The following CNGB1 variants were observed in gnomAD, a reference collection of about 807,000 sequenced individuals.
CNGB1 encodes cyclic nucleotide-gated channel beta-1.
A neutral mutation model predicts 151.7 loss-of-function variants in CNGB1; 126 were observed. The ratio of observed to expected loss-of-function variants is 0.83; its 90% CI spans 0.72 to 0.96. The LOEUF (loss-of-function observed/expected upper bound fraction) is 0.96, where lower values mean the gene tolerates loss of function less well. Ranked by LOEUF, CNGB1 falls within the 40% of genes least tolerant of loss-of-function variation. The pLI is 0.00. For synonymous variants in CNGB1, 623 were observed against 635.1 expected, an observed-to-expected ratio of 0.98 and a Z score of 0.29; for missense variants, 1,698 against 1,627.0, an observed-to-expected ratio of 1.04 and a Z score of -0.75.
At chr16:57,957,712 A>G (rs1962126623) in intron 11 of CNGB1, among the ~76,000 whole-genome samples, 1 of 152,226 alleles carries the variant, frequency 6.6e-6, no homozygotes, top group Non-Finnish European at 1.5e-5. Flanking sequence ...TCTGGGGCCT[A>G]GACAGCTTTG....
At position 57,957,321 on chromosome 16, in the gene CNGB1, C is replaced by G; in HGVS notation, c.874+20G>C. 1 of 1,609,498 alleles carries G rather than the reference C, an allele frequency of 6.2e-7. No homozygotes were observed. The highest frequency in any genetic ancestry group is 2.2e-5 in the East Asian group (1 of 44,862). On this transcript the variant is annotated intron_variant, in intron 12 of 32. Coordinates refer to ENST00000251102, the MANE Select transcript of CNGB1 (RefSeq NM_001297.5). ...ACCCTTCCTAATATGTACATGGGGA[C>G]TCAGTAATGTGTCACTTACTGGTCT...
At position 57,919,549 on chromosome 16, in the gene CNGB1, G is replaced by A. The variant is rs76592514; in HGVS notation, c.1802-295C>T. On this transcript the variant is annotated intron_variant, in intron 19 of 32. Coordinates refer to ENST00000251102, the MANE Select transcript of CNGB1 (RefSeq NM_001297.5). The stretch of plus-strand genomic sequence containing the variant: ...TGAGCTGTTTCTGGGCCAGTTGGAT[G>A]TTTCAATGTCTGCTTGTGTGTTGTG... Among the ~76,000 whole-genome samples, 1,212 of 152,274 alleles carry A rather than the reference G, an allele frequency of 8.0e-3. 21 individuals carry two copies. Among genetic ancestry groups the A allele is most frequent in the African/African-American group, 0.027 (1,108 of 41,550 alleles).
intron 15 of CNGB1, 34 bp from the exon 16 acceptor site, chr16:57,939,626 C>A: frequency 6.2e-7 from 1 of 1,613,868 alleles, no homozygotes; most frequent in Non-Finnish European, 8.5e-7. Context: ...GAAACTGTGA[C>A]CATCAGCCCC....
chr16:57,901,975 TC>T (rs1960404844), intron 27 of CNGB1, among the ~76,000 whole-genome samples: 1 of 152,194 alleles, frequency 6.6e-6, no homozygotes, highest in African/African-American at 2.4e-5. Flanking sequence ...TGTTCCCACT[TC>T]CCTGGAAGGA....
intron 27 of CNGB1, 71 bp from the exon 28 acceptor site, chr16:57,901,696 G>A: frequency 1.6e-6 from 2 of 1,272,928 alleles, no homozygotes; most frequent in Non-Finnish European, 2.3e-6. Flanking sequence ...CCGGCCAAGT[G>A]CCCACCTACT....
intron 14 of CNGB1, among the ~76,000 whole-genome samples, chr16:57,940,960 G>A (rs1010706435): frequency 4.6e-5 from 7 of 152,128 alleles, no homozygotes; most frequent in African/African-American, 1.7e-4. Flanking sequence ...AGGGAGGGCT[G>A]TGGCAAATTA....
intron 31 of CNGB1, 144 bp from the exon 32 acceptor site, chr16:57,888,218 G>C (rs1047873706): frequency 3.8e-6 from 3 of 798,002 alleles, no homozygotes; most frequent in Admixed American, 4.0e-5. Flanking sequence ...TGGGCCAAGC[G>C]TCGTGTTAAG....
rs964922459 is a variant in CNGB1 at position 57,925,293 on chromosome 16, A to G, written c.1536-1913T>C. Among the ~76,000 whole-genome samples, 5 of 152,008 alleles carry G rather than the reference A, an allele frequency of 3.3e-5. No individual in the cohort carries two copies. In the East Asian group the frequency reaches 9.7e-4, roughly 30 times the overall value. On this transcript the variant is annotated intron_variant, in intron 17 of 32. Transcript: ENST00000251102. ...GCTGGGATAACAGGCATGAGCCACC[A>G]CGCCCGGCCTCTCTCTTTTCTTTAT...
intron 31 of CNGB1, among the ~76,000 whole-genome samples, chr16:57,892,423 C>T (rs547255690): frequency 3.0e-4 from 46 of 152,266 alleles, no homozygotes; most frequent in African/African-American, 9.6e-4. Flanking sequence ...TTCAGATAGA[C>T]TGGGTTTTGG....
chr16:57,920,594 T>A, intron 18 of CNGB1, 50 bp from the exon 19 acceptor site: 1 of 1,601,878 alleles, frequency 6.2e-7, no homozygotes, highest in Non-Finnish European at 8.5e-7. Flanking sequence ...GAGGGACCTG[T>A]GCACCCCCAG....
chr16:57,906,937 T>C (rs1960567107), intron 25 of CNGB1, among the ~76,000 whole-genome samples: 1 of 152,154 alleles, frequency 6.6e-6, no homozygotes, highest in Non-Finnish European at 1.5e-5. Flanking sequence ...CTAGCATTTG[T>C]AGGAGCTCGG....
chr16:57,897,759 G>A, intron 30 of CNGB1, 37 bp downstream of exon 30: 2 of 1,602,650 alleles, frequency 1.2e-6, no homozygotes, highest in Non-Finnish European at 1.7e-6. Flanking sequence ...CCCAGCCCTT[G>A]CCCCAGGCCC....
chr16:57,909,689 A>T (rs1181928450), intron 25 of CNGB1, among the ~76,000 whole-genome samples: 1 of 152,176 alleles, frequency 6.6e-6, no homozygotes, highest in Admixed American at 6.5e-5. Flanking sequence ...GTATCTGGCT[A>T]AAAAAGTTTT....
chr16:57,954,669 C>T (rs1241292905), intron 12 of CNGB1: 39 of 982,454 alleles, frequency 4.0e-5, no homozygotes, highest in Non-Finnish European at 4.1e-5. Context: ...TCAATGCAAT[C>T]ACAGGTTTGA....
At chr16:57,900,699 C>T (rs1169748076) in intron 29 of CNGB1, among the ~76,000 whole-genome samples, 5 of 152,168 alleles carry the variant, frequency 3.3e-5, no homozygotes, top group Admixed American at 6.5e-5. Context: ...CGATGTCCCC[C>T]TTTGGGGCAA....
At chr16:57,888,226 A>G in intron 31 of CNGB1, 152 bp from the exon 32 acceptor site, 1 of 782,412 alleles carries the variant, frequency 1.3e-6, no homozygotes, top group Non-Finnish European at 2.2e-6. Flanking sequence ...GCGTCGTGTT[A>G]AGTACTTTAT....
intron 8 of CNGB1, 92 bp from the exon 9 acceptor site, chr16:57,960,622 G>C: frequency 6.6e-6 from 10 of 1,518,912 alleles, no homozygotes; most frequent in Non-Finnish European, 9.0e-6. Flanking sequence ...GGCCCAAGGC[G>C]GGTGAGCCGG....
chr16:57,962,719 G>T, intron 6 of CNGB1, 109 bp from the exon 7 acceptor site: 1 of 1,568,522 alleles, frequency 6.4e-7, no homozygotes, highest in Non-Finnish European at 8.7e-7. Flanking sequence ...CAGGTTCAAA[G>T]CAGGGTCAGT....
At position 57,960,040 on chromosome 16, in the gene CNGB1, C is replaced by T. The variant is rs1390914223; in HGVS notation, c.609G>A (p.Met203Ile). ...DPAPPGRPQEMGPKLQARETP... is the reference protein window; with the variant it reads ...DPAPPGRPQEIGPKLQARETP... ...TCTCCCGGGCCTGCAGCTTGGGCCC[C>T]ATTTCCTGGGGGCGTCCTGGAGGCG... Residue 203 changes from methionine (M) to isoleucine (I), a missense_variant, in exon 10 of 33, where the codon ATG becomes ATA. Physicochemically the swap from Met to Ile is conservative, Grantham distance 10 (BLOSUM62 1). Coordinates refer to ENST00000251102, the MANE Select transcript of CNGB1 (RefSeq NM_001297.5). 8 of 1,564,676 alleles carry T rather than the reference C, an allele frequency of 5.1e-6. No homozygotes were observed. The Middle Eastern group carries it at 5.5e-4, about 108-fold the overall frequency.
Sources: gnomAD v4.1 joint callset for allele counts (sites outside exome capture counted in the v4.1 genomes callset) on GRCh38, gnomAD v4.1.1 for gene constraint, MANE v1.5 for transcripts, NCBI Gene and HGNC (gene_info 2026-07-23, HGNC 2026-07-21) for gene names.